The following GPX6 variants were observed in gnomAD, a reference collection of about 807,000 sequenced individuals.
GPX6 encodes the protein glutathione peroxidase 6 (olfactory).
A neutral mutation model predicts 20.0 loss-of-function variants in GPX6; 21 were observed. The observed-to-expected ratio is 1.05, with a 90% CI of 0.74 to 1.51. GPX6 has a LOEUF of 1.51. Among genes scored for constraint, GPX6 ranks in the 40% most tolerant of loss-of-function variants. GPX6 has a pLI of 0.00. For missense variants in GPX6, 233 were observed against 254.7 expected, an observed-to-expected ratio of 0.91 and a Z score of 0.58; for synonymous variants, 75 against 98.0, an observed-to-expected ratio of 0.77 and a Z score of 1.38.
intron 1 of GPX6, among the ~76,000 whole-genome samples, chr6:28,513,359 A>C (rs950527741): frequency 8.6e-5 from 13 of 151,818 alleles, no homozygotes; most frequent in Middle Eastern, 3.4e-3. Context: ...GTAAACATTC[A>C]CTCCTAGACA....
At chr6:28,507,246 G>T (rs908928356) in intron 2 of GPX6, among the ~76,000 whole-genome samples, 6 of 152,224 alleles carry the variant, frequency 3.9e-5, no homozygotes, top group Admixed American at 3.9e-4. Context: ...TTCAGATTCA[G>T]CTCTGCCTGC....
At chr6:28,513,720 C>T (rs2113610818) in intron 1 of GPX6, among the ~76,000 whole-genome samples, 1 of 152,186 alleles carries the variant, frequency 6.6e-6, no homozygotes, top group South Asian at 2.1e-4. Flanking sequence ...AAGTCCTGGC[C>T]ATATGAAGAA....
rs139493762 is a variant in GPX6, at chr6:28,513,599, C to G, written c.87+2058G>C. Among the ~76,000 whole-genome samples the G allele has an allele frequency of 4.2e-3, 632 of 152,226 alleles. 5 individuals carry two copies. Among genetic ancestry groups the G allele is most frequent in the African/African-American group, 0.015 (616 of 41,536 alleles). Reference sequence around the variant, plus strand: ...CCTGAACTGCTCATGAATTAAAGTTCATAAAATAGCACAGAGCGGAAAAAC... The same window carrying G: ...CCTGAACTGCTCATGAATTAAAGTTGATAAAATAGCACAGAGCGGAAAAAC... On this transcript the variant is annotated intron_variant, in intron 1 of 4. Coordinates refer to ENST00000361902, the MANE Select transcript of GPX6 (RefSeq NM_182701.1).
At chr6:28,513,049 A>G (rs2113608254) in intron 1 of GPX6, among the ~76,000 whole-genome samples, 1 of 152,308 alleles carries the variant, frequency 6.6e-6, no homozygotes, top group Non-Finnish European at 1.5e-5. Flanking sequence ...ACACAGTAGG[A>G]GCACACTGGA....
At chr6:28,508,782 G>C (rs957478119) in intron 2 of GPX6, among the ~76,000 whole-genome samples, 1 of 152,202 alleles carries the variant, frequency 6.6e-6, no homozygotes, top group Non-Finnish European at 1.5e-5. Context: ...ACTCCAGCCT[G>C]GGCGACAGAG....
chr6:28,513,231 GAT>G (rs375815893), intron 1 of GPX6, among the ~76,000 whole-genome samples: 137 of 152,288 alleles, frequency 9.0e-4, no homozygotes, highest in South Asian at 4.6e-3. Flanking sequence ...AGATCCCTGG[GAT>G]ACAGAAAGTC....
intron 2 of GPX6, among the ~76,000 whole-genome samples, chr6:28,506,706 AACACACAC>A (rs56155284): frequency 1.2e-4 from 18 of 145,174 alleles, no homozygotes; most frequent in South Asian, 1.1e-3. Context: ...TTTTTTTTTA[AACACACAC>A]ACACACACAC....
At chr6:28,505,597 T>C (rs1762799462) in intron 4 of GPX6, 106 bp downstream of exon 4, 1 of 836,386 alleles carries the variant, frequency 1.2e-6, no homozygotes, top group African/African-American at 1.7e-5. Context: ...TGAACTTATC[T>C]GAGCATCTCT....
chr6:28,508,143 T>C (rs1243202841), intron 2 of GPX6, among the ~76,000 whole-genome samples: 1 of 152,254 alleles, frequency 6.6e-6, no homozygotes, highest in Non-Finnish European at 1.5e-5. Flanking sequence ...GTATATTGCC[T>C]ATTCAATATG....
intron 3 of GPX6, 112 bp from the exon 4 acceptor site, chr6:28,505,914 G>A: frequency 1.3e-6 from 1 of 798,438 alleles, no homozygotes; most frequent in Non-Finnish European, 2.2e-6. Flanking sequence ...GGAAGAGGCT[G>A]TGCACAGGGA....
intron 1 of GPX6, among the ~76,000 whole-genome samples, chr6:28,513,315 C>T (rs754979982): frequency 6.6e-6 from 1 of 152,188 alleles, no homozygotes; most frequent in Non-Finnish European, 1.5e-5. Flanking sequence ...GAACTAAGAG[C>T]ACCCTGTAAC....
At chr6:28,505,259 G>A (rs901820989) in intron 4 of GPX6, among the ~76,000 whole-genome samples, 4 of 152,140 alleles carry the variant, frequency 2.6e-5, no homozygotes, top group African/African-American at 9.7e-5. Context: ...CAGCATTTCG[G>A]GCTGAGTAGA....
At chr6:28,504,563 G>A (rs1010257525) in intron 4 of GPX6, 65 bp from the exon 5 acceptor site, 1 of 1,425,574 alleles carries the variant, frequency 7.0e-7, no homozygotes, top group Non-Finnish European at 9.7e-7. Context: ...CTTCTGTGTG[G>A]TACAGTTTTA....
chr6:28,513,223 A>C (rs916939332), intron 1 of GPX6, among the ~76,000 whole-genome samples: 1 of 152,202 alleles, frequency 6.6e-6, no homozygotes, highest in Non-Finnish European at 1.5e-5. Flanking sequence ...CCAAGGCAAG[A>C]TCCCTGGGAT....
rs1483889192 is a variant in GPX6, at chr6:28,506,434, A to C, written c.242-5T>G. ...CCTCCTGTAGTGCATTCAGTTCTGT[A>C]AGTGGACAATGAATAGCAGGGGTGG... On this transcript the variant is annotated splice_region_variant and splice_polypyrimidine_tract_variant and intron_variant, in intron 2 of 4. Transcript: ENST00000361902. The C allele has an allele frequency of 6.4e-7, 1 of 1,574,670 alleles. No homozygotes were observed. The highest frequency in any genetic ancestry group is 1.3e-5 in the African/African-American group (1 of 74,320).
chr6:28,514,918 G>A (rs979547513), intron 1 of GPX6, among the ~76,000 whole-genome samples: 1 of 152,126 alleles, frequency 6.6e-6, no homozygotes, highest in African/African-American at 2.4e-5. Context: ...TGCTCAGTCC[G>A]CATCCTAAGA....
At chr6:28,504,520 T>C (rs771553512) in intron 4 of GPX6, 22 bp from the exon 5 acceptor site, 21 of 1,599,810 alleles carry the variant, frequency 1.3e-5, no homozygotes. Flanking sequence ...ATATAGAAAG[T>C]AGAGATATAC....
intron 2 of GPX6, among the ~76,000 whole-genome samples, chr6:28,508,680 A>C (rs1762831025): frequency 6.6e-6 from 1 of 151,392 alleles, no homozygotes; most frequent in African/African-American, 2.4e-5. Context: ...GGTGATATGC[A>C]CCTGTAGTCC....
At chr6:28,511,773 G>A (rs1039548977) in intron 1 of GPX6, among the ~76,000 whole-genome samples, 2 of 152,260 alleles carry the variant, frequency 1.3e-5, no homozygotes, top group Non-Finnish European at 2.9e-5. Flanking sequence ...CGGCTGCACT[G>A]TGGGAGCCCC....
Sources: gnomAD v4.1 joint callset for allele counts (sites outside exome capture counted in the v4.1 genomes callset) on GRCh38, gnomAD v4.1.1 for gene constraint, MANE v1.5 for transcripts, NCBI Gene and HGNC (gene_info 2026-07-23, HGNC 2026-07-21) for gene names.